KLHDC7A: variants seen among roughly 807,000 people sequenced by gnomAD.
The protein encoded by KLHDC7A is kelch domain-containing protein 7A.
For missense variants in KLHDC7A, 1,123 were observed against 1,052.6 expected, an observed-to-expected ratio of 1.07 and a Z score of -0.93; for synonymous variants, 464 against 461.0, an observed-to-expected ratio of 1.01 and a Z score of -0.08.
In KLHDC7A at chr1:18,482,153, A is replaced by AC. The variant is rs1557445093; in HGVS notation, c.1175dup (p.Ala394ArgfsTer44). On this transcript the variant is annotated frameshift_variant, in exon 1 of 1. Transcript: ENST00000400664. LOFTEE classifies it low-confidence loss of function (END_TRUNC). ...CGGCTCCCCGCTCCACCCTGCCCAG[A>AC]CCCGGGCGCCCTGCCTGGCTTAGGC... 15 of 1,611,602 alleles carry AC rather than the reference A, an allele frequency of 9.3e-6. No homozygotes were observed. The highest frequency in any genetic ancestry group is 1.3e-5 in the Non-Finnish European group (15 of 1,179,770).
chr1:18,481,394 C>G lies in KLHDC7A; in HGVS notation c.413C>G (p.Pro138Arg). Residue 138 changes from proline (P) to arginine (R), a missense_variant, in exon 1 of 1, where the codon CCT (proline) becomes CGT (arginine). Transcript: ENST00000400664. Reference sequence around the variant, plus strand: ...GGCTCGGACTCTGAGCAGGTGCCTCCTTGCTGCCCCAGCCAGGAAACCAGA... The same window carrying G: ...GGCTCGGACTCTGAGCAGGTGCCTCGTTGCTGCCCCAGCCAGGAAACCAGA... ...GQGSDSEQVPPCCPSQETRTA... is the reference protein window; with the variant it reads ...GQGSDSEQVPRCCPSQETRTA... The G allele has an allele frequency of 6.2e-7, 1 of 1,613,118 alleles. No homozygotes were observed. Among genetic ancestry groups the G allele is most frequent in the Non-Finnish European group, 8.5e-7 (1 of 1,179,638 alleles).
At position 18,482,246 on chromosome 1, in the gene KLHDC7A, C is replaced by T. The variant is rs1203975622; in HGVS notation, c.1265C>T (p.Pro422Leu). 2 of 1,606,532 alleles carry T rather than the reference C, an allele frequency of 1.2e-6. No homozygotes were observed. The highest frequency in any genetic ancestry group is 3.3e-5 in the Admixed American group (2 of 60,024). Residue 422 changes from proline to leucine, a missense_variant, in exon 1 of 1, where the codon CCT becomes CTT. Transcript: ENST00000400664. ...GTNFFHIPLT[P>L]ASAPQVRLDL... ...AATTTCTTCCATATCCCGCTCACCC[C>T]TGCTTCAGCCCCACAGGTCCGCCTG...
Position 18,482,526 on chromosome 1 carries a change from G to T in KLHDC7A, c.1545G>T (p.Gln515His). ...SGGLCCYDDE[Q>H]DVWRPLARMP... is the part of the protein sequence containing the mutation. ...GCCTCTGTTGCTATGACGATGAGCA[G>T]GATGTCTGGCGCCCGCTGGCTCGCA... Residue 515 changes from glutamine to histidine, a missense_variant, in exon 1 of 1, where the codon CAG becomes CAT. Transcript: ENST00000400664. The T allele has an allele frequency of 6.2e-7, 1 of 1,612,208 alleles. No homozygotes were observed. The highest frequency in any genetic ancestry group is 8.5e-7 in the Non-Finnish European group (1 of 1,179,938).
rs2992751 is a variant in KLHDC7A at position 18,482,217 on chromosome 1, G to A, written c.1236G>A (p.Gly412=). The A allele has an allele frequency of 1.3e-4, 209 of 1,609,068 alleles. No homozygotes were observed. In the South Asian group the frequency reaches 2.1e-3, roughly 16 times the overall value. The change falls in exon 1 of 1, where the codon GGG becomes GGA. Residue 412 remains glycine (G), a synonymous_variant. Coordinates refer to ENST00000400664, the MANE Select transcript of KLHDC7A (RefSeq NM_152375.3). ...AGCCCCATGTGCAGCCGGTGGCCGG[G>A]ACCAATTTCTTCCATATCCCGCTCA... The part of the protein sequence containing the change: ...SREPHVQPVA[G]TNFFHIPLTP...
chr1:18,481,988 C>G lies in KLHDC7A; in HGVS notation c.1007C>G (p.Ala336Gly), dbSNP rs2086894267. ...ACAGGGGCTGCCTCGGGAGGCCAAG[C>G]CGGTGACACAAAGGGTGCAGCCGAA... is the stretch of plus-strand genomic sequence containing the variant. Reference protein sequence around the residue: ...LGTGAASGGQAGDTKGAAERA... With the variant: ...LGTGAASGGQGGDTKGAAERA... The change falls in exon 1 of 1, where the codon GCC becomes GGC. Residue 336 changes from alanine to glycine, a missense_variant. Ala to Gly is a moderately conservative substitution (Grantham distance 60). Coordinates refer to ENST00000400664, the MANE Select transcript of KLHDC7A (RefSeq NM_152375.3). The G allele has an allele frequency of 6.2e-7, 1 of 1,612,824 alleles. No individual in the cohort carries two copies.
At position 18,481,443 on chromosome 1, in the gene KLHDC7A, C is replaced by A; in HGVS notation, c.462C>A (p.Asp154Glu). Reference sequence around the variant, plus strand: ...GAACAGCTGTTGGCAGTAACCCTGACCCTCCCCATTTCCCCCGCTTGGGCA... The same window carrying A: ...GAACAGCTGTTGGCAGTAACCCTGAACCTCCCCATTTCCCCCGCTTGGGCA... Reference protein sequence around the residue: ...ETRTAVGSNPDPPHFPRLGSE... With the variant: ...ETRTAVGSNPEPPHFPRLGSE... Residue 154 changes from aspartate to glutamate, a missense_variant, in exon 1 of 1, where the codon GAC (aspartate) becomes GAA (glutamate). Physicochemically the swap from Asp to Glu is conservative, Grantham distance 45. Transcript: ENST00000400664. 1.2e-6 allele frequency: 2 copies of A among 1,613,836 alleles called. No individual in the cohort carries two copies. Among genetic ancestry groups the A allele is most frequent in the Non-Finnish European group, 1.7e-6 (2 of 1,180,016 alleles).
In KLHDC7A at chr1:18,483,614, G is replaced by T. The variant is rs998416455; in HGVS notation, c.*299G>T. On this transcript the variant is annotated 3_prime_UTR_variant, in exon 1 of 1. Transcript: ENST00000400664. The stretch of plus-strand genomic sequence containing the variant: ...TGCTTCAACTCTGAATTCTTGGGGG[G>T]ATACACCGGGACCCCACCAAAGCTT... 3 of 1,305,214 alleles carry T rather than the reference G, an allele frequency of 2.3e-6. No homozygotes were observed. Among genetic ancestry groups the T allele is most frequent in the Non-Finnish European group, 3.0e-6 (3 of 1,011,502 alleles). 80.9% of individuals were successfully genotyped at this position (1,305,214 alleles called of 1,614,324 possible). A position where few individuals can be genotyped will look rare whatever the true frequency, so the allele number is the denominator to read the frequency against.
chr1:18,483,329 G>A lies in KLHDC7A; in HGVS notation c.*14G>A, dbSNP rs374758104. 1.9e-5 allele frequency: 31 copies of A among 1,602,940 alleles called. No homozygotes were observed. The highest frequency in any genetic ancestry group is 2.6e-5 in the Non-Finnish European group (31 of 1,173,120). On this transcript the variant is annotated 3_prime_UTR_variant, in exon 1 of 1. Transcript: ENST00000400664. ...ACCAGGGTCTAGCAGTCCCTCAACT[G>A]AGCTCCTCATGCAAAGCTGGGGGCC... is the stretch of plus-strand genomic sequence containing the variant.
In KLHDC7A at chr1:18,482,154, C is replaced by T. The variant is rs1569987781; in HGVS notation, c.1173C>T (p.Asp391=). ...GFRLPAPPCP[D]PGALPGLGRS... ...GGCTCCCCGCTCCACCCTGCCCAGA[C>T]CCGGGCGCCCTGCCTGGCTTAGGCA... is the stretch of plus-strand genomic sequence containing the variant. The change falls in exon 1 of 1, where the codon GAC becomes GAT. Residue 391 remains aspartate, a synonymous_variant. Coordinates refer to ENST00000400664, the MANE Select transcript of KLHDC7A (RefSeq NM_152375.3). The T allele has an allele frequency of 3.1e-6, 5 of 1,611,770 alleles. No homozygotes were observed. The highest frequency in any genetic ancestry group is 1.7e-4 in the Middle Eastern group (1 of 6,010).
At position 18,483,386 on chromosome 1, in the gene KLHDC7A, G is replaced by A; in HGVS notation, c.*71G>A. ...CTCCACTGCCAGCCGTCCCTCTGGG[G>A]GCCATTTCTAGGCAAACAGGCAACC... On this transcript the variant is annotated 3_prime_UTR_variant, in exon 1 of 1. Transcript: ENST00000400664. 6.4e-7 allele frequency: 1 copy of A among 1,556,952 alleles called. No homozygotes were observed. Among genetic ancestry groups the A allele is most frequent in the Admixed American group, 1.9e-5 (1 of 53,998 alleles).
rs778842628 is a variant in KLHDC7A, at chr1:18,481,121, G to A, written c.140G>A (p.Arg47Gln). The change falls in exon 1 of 1, where the codon CGG becomes CAG. Residue 47 changes from arginine to glutamine, a missense_variant. Arg to Gln is a conservative substitution (Grantham distance 43). Coordinates refer to ENST00000400664, the MANE Select transcript of KLHDC7A (RefSeq NM_152375.3). ...LYKSRPAPAQ[R>Q]WGGNGQAEAK... The stretch of plus-strand genomic sequence containing the variant: ...AAGTCGAGGCCTGCCCCAGCCCAGC[G>A]GTGGGGTGGGAATGGCCAGGCAGAA... 7.4e-6 allele frequency: 12 copies of A among 1,613,512 alleles called. No individual in the cohort carries two copies. The highest frequency in any genetic ancestry group is 3.3e-5 in the Admixed American group (2 of 59,976).
Position 18,482,492 on chromosome 1 carries a change from A to G in KLHDC7A, c.1511A>G (p.Asp504Gly), listed in dbSNP as rs755640655. ...GTGGCTGACGTGTGCCCCAAGGAAG[A>G]CTCCGGCGGCCTCTGTTGCTATGAC... ...LVVADVCPKE[D>G]SGGLCCYDDE... The change falls in exon 1 of 1, where the codon GAC (aspartate) becomes GGC (glycine). Residue 504 changes from aspartate to glycine, a missense_variant. Asp to Gly is a moderately conservative substitution (Grantham distance 94). Transcript: ENST00000400664. The G allele has an allele frequency of 6.2e-7, 1 of 1,611,370 alleles. No homozygotes were observed. Among genetic ancestry groups the G allele is most frequent in the Admixed American group, 1.7e-5 (1 of 60,004 alleles).
At position 18,481,525 on chromosome 1, in the gene KLHDC7A, G is replaced by C. The variant is rs556773515; in HGVS notation, c.544G>C (p.Gly182Arg). ...LIAAADGSCA[G>R]GEPSPWQDSK... ...TGCAGCAGCCGACGGCAGCTGTGCC[G>C]GTGGTGAGCCTTCTCCATGGCAGGA... Residue 182 changes from glycine to arginine, a missense_variant, in exon 1 of 1, where the codon GGT (glycine) becomes CGT (arginine). Physicochemically the swap from Gly to Arg is moderately radical, Grantham distance 125. Transcript: ENST00000400664. 4 of 1,613,246 alleles carry C rather than the reference G, an allele frequency of 2.5e-6. No homozygotes were observed. Among genetic ancestry groups the C allele is most frequent in the Non-Finnish European group, 3.4e-6 (4 of 1,180,000 alleles).
Position 18,482,969 on chromosome 1 carries a change from G to C in KLHDC7A, c.1988G>C (p.Gly663Ala), listed in dbSNP as rs745394300. The C allele has an allele frequency of 1.2e-5, 20 of 1,612,610 alleles. No homozygotes were observed. The African/African-American group carries it at 2.0e-4, about 16-fold the overall frequency. The change falls in exon 1 of 1, where the codon GGG (glycine) becomes GCG (alanine). Residue 663 changes from glycine (G) to alanine (A), a missense_variant. Coordinates refer to ENST00000400664, the MANE Select transcript of KLHDC7A (RefSeq NM_152375.3). ...QEQRWWAGPT[G>A]GSKDRTAEMV... ...CAGCGCTGGTGGGCCGGCCCCACCG[G>C]GGGCAGCAAGGACCGCACGGCCGAG...
At position 18,482,609 on chromosome 1, in the gene KLHDC7A, T is replaced by A; in HGVS notation, c.1628T>A (p.Phe543Tyr). 6.2e-7 allele frequency: 1 copy of A among 1,610,392 alleles called. No homozygotes were observed. Among genetic ancestry groups the A allele is most frequent in the Non-Finnish European group, 8.5e-7 (1 of 1,179,474 alleles). ...CAICSLFNYLFVVSGCQGPGH... is the reference protein window; with the variant it reads ...CAICSLFNYLYVVSGCQGPGH... ...ATCTGCAGTCTCTTCAATTATCTCT[T>A]CGTGGTGTCCGGCTGCCAGGGGCCC... Residue 543 changes from phenylalanine (F) to tyrosine (Y), a missense_variant, in exon 1 of 1, where the codon TTC becomes TAC. Physicochemically the swap from Phe to Tyr is conservative, Grantham distance 22 (BLOSUM62 3). Coordinates refer to ENST00000400664, the MANE Select transcript of KLHDC7A (RefSeq NM_152375.3).
At position 18,482,160 on chromosome 1, in the gene KLHDC7A, C is replaced by T; in HGVS notation, c.1179C>T (p.Gly393=). ...CCGCTCCACCCTGCCCAGACCCGGG[C>T]GCCCTGCCTGGCTTAGGCAGAAGCA... ...RLPAPPCPDP[G]ALPGLGRSSR... is the part of the protein sequence containing the mutation. The change falls in exon 1 of 1, where the codon GGC becomes GGT. Residue 393 remains glycine, a synonymous_variant. Transcript: ENST00000400664. 2 of 1,611,522 alleles carry T rather than the reference C, an allele frequency of 1.2e-6. No individual in the cohort carries two copies. The highest frequency in any genetic ancestry group is 8.5e-7 in the Non-Finnish European group (1 of 1,179,790).
Position 18,482,168 on chromosome 1 carries a change from C to T in KLHDC7A, c.1187C>T (p.Pro396Leu). The change falls in exon 1 of 1, where the codon CCT becomes CTT. Residue 396 changes from proline (P) to leucine (L), a missense_variant. Coordinates refer to ENST00000400664, the MANE Select transcript of KLHDC7A (RefSeq NM_152375.3). ...CCCTGCCCAGACCCGGGCGCCCTGC[C>T]TGGCTTAGGCAGAAGCAGCCGGGAG... ...APPCPDPGAL[P>L]GLGRSSREPH... is the part of the protein sequence containing the mutation. The T allele has an allele frequency of 6.2e-7, 1 of 1,611,584 alleles. No homozygotes were observed. Among genetic ancestry groups the T allele is most frequent in the Non-Finnish European group, 8.5e-7 (1 of 1,179,830 alleles).
In KLHDC7A at chr1:18,482,199, T is replaced by C; in HGVS notation, c.1218T>C (p.His406=). The change falls in exon 1 of 1, where the codon CAT becomes CAC. Residue 406 remains histidine, a synonymous_variant. Transcript: ENST00000400664. ...PGLGRSSREP[H]VQPVAGTNFF... Reference sequence around the variant, plus strand: ...TAGGCAGAAGCAGCCGGGAGCCCCATGTGCAGCCGGTGGCCGGGACCAATT... The same window carrying C: ...TAGGCAGAAGCAGCCGGGAGCCCCACGTGCAGCCGGTGGCCGGGACCAATT... 6.2e-7 allele frequency: 1 copy of C among 1,610,918 alleles called. No homozygotes were observed. Among genetic ancestry groups the C allele is most frequent in the Non-Finnish European group, 8.5e-7 (1 of 1,179,874 alleles).
Position 18,481,492 on chromosome 1 carries a change from GGA to G in KLHDC7A, c.512_513del (p.Gly171AlafsTer13), listed in dbSNP as rs1454206541. On this transcript the variant is annotated frameshift_variant, in exon 1 of 1. Coordinates refer to ENST00000400664, the MANE Select transcript of KLHDC7A (RefSeq NM_152375.3). LOFTEE classifies it low-confidence loss of function (END_TRUNC). Reference protein sequence around the residue: ...LGSEPKSSPAGLIAAADGSCA... With the variant: ...LGSEPKSSPAXLIAAADGSCA... ...CAGCGAACCGAAGAGCTCCCCAGCT[GGA>G]CTCATTGCAGCAGCCGACGGCAGCT... 6.2e-7 allele frequency: 1 copy of G among 1,613,454 alleles called. No homozygotes were observed. Among genetic ancestry groups the G allele is most frequent in the African/African-American group, 1.3e-5 (1 of 74,930 alleles).
Sources: allele counts gnomAD v4.1 joint callset, GRCh38; gene constraint gnomAD v4.1.1; transcripts MANE v1.5; gene names NCBI Gene and HGNC (gene_info 2026-07-23, HGNC 2026-07-21).